Variants in PAPSS2 observed in about 807,000 individuals in gnomAD.
PAPSS2 encodes 3'-phosphoadenosine 5'-phosphosulfate synthase 2.
PAPSS2 carries 61 observed loss-of-function variants against 66.5 expected under a neutral mutation model. The ratio of observed to expected loss-of-function variants is 0.92; its 90% confidence interval spans 0.75 to 1.14. The LOEUF (loss-of-function observed/expected upper bound fraction) is 1.14. Among genes scored for constraint, PAPSS2 ranks in the 50% most tolerant of loss-of-function variants. The pLI, the probability that PAPSS2 is intolerant of heterozygous loss-of-function variation, is 0.00. For synonymous variants in PAPSS2, 289 were observed against 287.5 expected (o/e 1.01, Z -0.05); for missense variants, 708 against 789.6 (o/e 0.90, Z 1.24).
intron 1 of PAPSS2, among the ~76,000 whole-genome samples, chr10:87,706,108 A>ATGTGTGTGTGTGTGTG (rs150079044): frequency 8.3e-4 from 43 of 51,978 alleles, no homozygotes; most frequent in Middle Eastern, 7.9e-3. Context: ...ATATATATAT[A>ATGTGTGTGTGTGTGTG]TGTGTGTGTG....
chr10:87,743,725 CCTTT>C lies in PAPSS2; in HGVS notation c.1491+87_1491+90del, dbSNP rs1404370500. ...AGAAGAGTAAATGAGTCTCTGGGATCCTTTCTGTTTCCTCATGAGCAGATTCTGG... is the reference window on the plus strand; with the variant it reads ...AGAAGAGTAAATGAGTCTCTGGGATCCTGTTTCCTCATGAGCAGATTCTGG... On this transcript the variant is annotated intron_variant, in intron 11 of 12. Transcript: ENST00000456849. The C allele has an allele frequency of 2.2e-5, 33 of 1,489,870 alleles. 1 individual carries two copies. The highest frequency in any genetic ancestry group is 1.7e-4 in the Middle Eastern group (1 of 5,830). 92.3% of individuals were successfully genotyped at this position (1,489,870 alleles called of 1,614,324 possible). A position where few individuals can be genotyped will look rare whatever the true frequency, so the allele number is the denominator to read the frequency against.
intron 1 of PAPSS2, among the ~76,000 whole-genome samples, chr10:87,667,143 C>T (rs1852824616): frequency 6.6e-6 from 1 of 152,106 alleles, no homozygotes; most frequent in African/African-American, 2.4e-5. Flanking sequence ...TTTTTGATCA[C>T]CACATTTTTG....
intron 9 of PAPSS2, among the ~76,000 whole-genome samples, chr10:87,728,119 G>A (rs1405136117): frequency 6.6e-6 from 1 of 152,102 alleles, no homozygotes; most frequent in African/African-American, 2.4e-5. Flanking sequence ...AGGGAAAATA[G>A]ACTAACTCCT....
chr10:87,716,299 G>A (rs895365758), intron 7 of PAPSS2, among the ~76,000 whole-genome samples: 3 of 152,170 alleles, frequency 2.0e-5, no homozygotes, highest in African/African-American at 7.2e-5. Context: ...ATGCTAAAGT[G>A]TCAATGTTCA....
Position 87,704,875 on chromosome 10 carries a change from C to A in PAPSS2, c.28-4321C>A, listed in dbSNP as rs192064342. Among the ~76,000 whole-genome samples, 21 of 152,320 alleles carry A rather than the reference C, an allele frequency of 1.4e-4. No homozygotes were observed. In the East Asian group the frequency reaches 4.0e-3, roughly 29 times the overall value. The stretch of plus-strand genomic sequence containing the variant: ...TAGGCTGATCTCAAACTCCTGACCT[C>A]AAGTGATCCACCCACCTCAGCTTCT... On this transcript the variant is annotated intron_variant, in intron 1 of 12. Coordinates refer to ENST00000456849, the MANE Select transcript of PAPSS2 (RefSeq NM_001015880.2).
rs1389789659 is a variant in PAPSS2, at chr10:87,743,613, C to T, written c.1463C>T (p.Ser488Phe). ...TCAACCATTGTTGCCATCTTTCCGT[C>T]TCCCATGTTATATGCTGGCCCCACA... ...PKSTIVAIFP[S>F]PMLYAGPTEV... The change falls in exon 11 of 13, where the codon TCT (serine) becomes TTT (phenylalanine). Residue 488 changes from serine (S) to phenylalanine (F), a missense_variant. Ser to Phe is a radical substitution (Grantham distance 155, BLOSUM62 -2). Transcript: ENST00000456849. 5.6e-6 allele frequency: 9 copies of T among 1,614,172 alleles called. No homozygotes were observed. The highest frequency in any genetic ancestry group is 6.8e-6 in the Non-Finnish European group (8 of 1,180,024).
intron 1 of PAPSS2, among the ~76,000 whole-genome samples, chr10:87,687,716 A>G (rs559410580): frequency 6.9e-4 from 105 of 152,306 alleles, no homozygotes; most frequent in African/African-American, 2.3e-3. Context: ...GTTTGAGGTG[A>G]TGGAATGCTT....
chr10:87,709,160 A>T, intron 1 of PAPSS2, 36 bp from the exon 2 acceptor site: 1 of 1,360,966 alleles, frequency 7.3e-7, no homozygotes, highest in Non-Finnish European at 1.1e-6. Context: ...GTGTTTTATT[A>T]ATTAATACTG....
Position 87,747,190 on chromosome 10 carries a change from A to G in PAPSS2, c.*1220A>G, listed in dbSNP as rs1034196729. 4 of 152,166 alleles carry G rather than the reference A, an allele frequency of 2.6e-5. No homozygotes were observed. The highest frequency in any genetic ancestry group is 4.4e-5 in the Non-Finnish European group (3 of 68,030). The allele number at this position is 152,166 out of a possible 1,614,324, so 9.4% of individuals were successfully genotyped here. On this transcript the variant is annotated 3_prime_UTR_variant, in exon 13 of 13. Transcript: ENST00000456849. ...ACTGATTTTATTGCAGTTGAAAAAA[A>G]AAAAAAGCTATTCCAAAGATTTCAA... is the stretch of plus-strand genomic sequence containing the variant.
In PAPSS2 at chr10:87,713,284, A is replaced by G. The variant is rs891965325; in HGVS notation, c.355A>G (p.Thr119Ala). ...TGCTGATGCTGGTCTGGTCTGCATT[A>G]CCAGCTTTATTTCTCCATTCGCAAA... ...LFADAGLVCI[T>A]SFISPFAKDR... is the part of the protein sequence containing the mutation. The change falls in exon 3 of 13, where the codon ACC becomes GCC. Residue 119 changes from threonine to alanine, a missense_variant. Coordinates refer to ENST00000456849, the MANE Select transcript of PAPSS2 (RefSeq NM_001015880.2). 2.2e-6 allele frequency: 3 copies of G among 1,360,890 alleles called. No homozygotes were observed. In the African/African-American group the frequency reaches 4.9e-5, roughly 22 times the overall value. The allele number at this position is 1,360,890 out of a possible 1,614,324, so 84.3% of individuals were successfully genotyped here.
intron 9 of PAPSS2, among the ~76,000 whole-genome samples, chr10:87,732,612 T>C (rs1357863526): frequency 6.6e-6 from 1 of 152,184 alleles, no homozygotes; most frequent in African/African-American, 2.4e-5. Flanking sequence ...TAAACATAAC[T>C]TTTAAAATGC....
chr10:87,669,968 T>C (rs1429716749), intron 1 of PAPSS2, among the ~76,000 whole-genome samples: 1 of 152,270 alleles, frequency 6.6e-6, no homozygotes, highest in African/African-American at 2.4e-5. Flanking sequence ...AGCTGTCTAC[T>C]GCTAGTATCT....
chr10:87,721,758 A>G lies in PAPSS2; in HGVS notation c.868A>G (p.Met290Val), dbSNP rs1362182130. Residue 290 changes from methionine to valine, a missense_variant and splice_region_variant, in exon 8 of 13, where the codon ATG becomes GTG. Met to Val is a conservative substitution (Grantham distance 21). Coordinates refer to ENST00000456849, the MANE Select transcript of PAPSS2 (RefSeq NM_001015880.2). ...TAATTGTGTTTATATTTCCCTAGGC[A>G]TGGCCCTTCCTGGTATGTACTTTAA... ...VMHFDTLLDG[M>V]ALPDGVINMS... 1 of 1,529,672 alleles carries G rather than the reference A, an allele frequency of 6.5e-7. No homozygotes were observed. Among genetic ancestry groups the G allele is most frequent in the Non-Finnish European group, 8.9e-7 (1 of 1,128,114 alleles). The allele number at this position is 1,529,672 out of a possible 1,614,324, so 94.8% of individuals were successfully genotyped here.
At position 87,714,059 on chromosome 10, in the gene PAPSS2, C is replaced by G; in HGVS notation, c.397C>G (p.Arg133Gly). 3.1e-6 allele frequency: 5 copies of G among 1,613,880 alleles called. No homozygotes were observed. Among genetic ancestry groups the G allele is most frequent in the Non-Finnish European group, 3.4e-6 (4 of 1,179,866 alleles). ...SPFAKDRENA[R>G]KIHESAGLPF... ...TGCTTTTCAGGATCGTGAGAATGCC[C>G]GCAAAATACATGAATCAGCAGGGCT... The change falls in exon 4 of 13, where the codon CGC becomes GGC. Residue 133 changes from arginine (R) to glycine (G), a missense_variant. Physicochemically the swap from Arg to Gly is moderately radical, Grantham distance 125. Coordinates refer to ENST00000456849, the MANE Select transcript of PAPSS2 (RefSeq NM_001015880.2).
intron 1 of PAPSS2, among the ~76,000 whole-genome samples, chr10:87,690,621 G>A (rs1231133737): frequency 6.6e-6 from 1 of 152,168 alleles, no homozygotes; most frequent in African/African-American, 2.4e-5. Flanking sequence ...GATATCTGGG[G>A]GAATTTCAGG....
At chr10:87,685,428 G>T (rs1466239778) in intron 1 of PAPSS2, among the ~76,000 whole-genome samples, 2 of 152,168 alleles carry the variant, frequency 1.3e-5, no homozygotes, top group Admixed American at 1.3e-4. Flanking sequence ...AGTGGCTCAT[G>T]CCTGCAATCC....
intron 9 of PAPSS2, among the ~76,000 whole-genome samples, chr10:87,740,407 C>T (rs1853853356): frequency 6.6e-6 from 1 of 152,176 alleles, no homozygotes; most frequent in Middle Eastern, 3.4e-3. Flanking sequence ...TTCTAATTGG[C>T]CAATATACAA....
rs1853306200 is a variant in PAPSS2, at chr10:87,701,327, C to CTTT, written c.28-7869_28-7868insTTT. ...TCCTTCCTTCCTTCCTTCCTTCCTT[C>CTTT]CTTTCTTTCTTTCTTTCTTTCTTTC... is the stretch of plus-strand genomic sequence containing the variant. On this transcript the variant is annotated intron_variant, in intron 1 of 12. Coordinates refer to ENST00000456849, the MANE Select transcript of PAPSS2 (RefSeq NM_001015880.2). 1.5e-3 allele frequency among the ~76,000 whole-genome samples: 107 copies of CTTT among 72,238 alleles called. 1 individual carries two copies. Among genetic ancestry groups the CTTT allele is most frequent in the East Asian group, 2.7e-3 (6 of 2,230 alleles). 47.4% of individuals were successfully genotyped at this position (72,238 alleles called of 152,430 possible). A position where few individuals can be genotyped will look rare whatever the true frequency, so the allele number is the denominator to read the frequency against.
chr10:87,715,735 G>T lies in PAPSS2; in HGVS notation c.757G>T (p.Asp253Tyr). The stretch of plus-strand genomic sequence containing the variant: ...AACTACTTTTTGTGTTTTGCAGCTG[G>T]ATCTCCAGTGGGTCCAGGTTTTGAG... ...TLPSLSITKL[D>Y]LQWVQVLSEG... is the part of the protein sequence containing the mutation. Residue 253 changes from aspartate to tyrosine, a missense_variant, in exon 7 of 13, where the codon GAT becomes TAT. Physicochemically the swap from Asp to Tyr is radical, Grantham distance 160. Transcript: ENST00000456849. 1 of 1,606,862 alleles carries T rather than the reference G, an allele frequency of 6.2e-7. No individual in the cohort carries two copies. Among genetic ancestry groups the T allele is most frequent in the Non-Finnish European group, 8.5e-7 (1 of 1,173,426 alleles).
Sources: gnomAD v4.1 joint callset for allele counts (sites outside exome capture counted in the v4.1 genomes callset) on GRCh38, gnomAD v4.1.1 for gene constraint, MANE v1.5 for transcripts, NCBI Gene and HGNC (gene_info 2026-07-23, HGNC 2026-07-21) for gene names.